RHBDL3: variants seen among roughly 807,000 people sequenced by gnomAD.
RHBDL3 encodes rhomboid-related protein 3.
Under a neutral mutation model 48.2 loss-of-function variants are expected in RHBDL3, and 28 were observed. That is an observed-to-expected ratio of 0.58 (90% confidence interval 0.43 to 0.80). The LOEUF (loss-of-function observed/expected upper bound fraction) is 0.80. Ranked by LOEUF, RHBDL3 falls within the 30% of genes least tolerant of loss-of-function variation. The pLI is 0.00. For synonymous variants in RHBDL3, 208 were observed against 232.3 expected, an observed-to-expected ratio of 0.90 and a Z score of 0.95; for missense variants, 464 against 542.7, an observed-to-expected ratio of 0.85 and a Z score of 1.44.
intron 2 of RHBDL3, among the ~76,000 whole-genome samples, chr17:32,276,800 C>T: frequency 1.0e-5 from 1 of 98,206 alleles, no homozygotes; most frequent in East Asian, 2.3e-4. Context: ...TAGCACCTTA[C>T]TCCGGCCCTA....
intron 2 of RHBDL3, chr17:32,284,028 G>C (rs1225815748): frequency 6.6e-6 from 1 of 152,338 alleles, no homozygotes; most frequent in African/African-American, 2.4e-5. Context: ...AACGATGAAA[G>C]AGCACGGTGT....
intron 5 of RHBDL3, among the ~76,000 whole-genome samples, chr17:32,297,499 CAAAG>C (rs1397042582): frequency 3.9e-5 from 6 of 151,902 alleles, no homozygotes; most frequent in South Asian, 2.1e-4. Context: ...AAACAAAAAA[CAAAG>C]AGAGCCAGAA....
chr17:32,274,591 G>T (rs1301272652), intron 2 of RHBDL3, among the ~76,000 whole-genome samples: 1 of 152,194 alleles, frequency 6.6e-6, no homozygotes, highest in African/African-American at 2.4e-5. Flanking sequence ...CTGGCTAGGT[G>T]CAGTAGCTCA....
intron 8 of RHBDL3, among the ~76,000 whole-genome samples, chr17:32,319,238 C>A (rs1421914108): frequency 6.6e-6 from 1 of 151,508 alleles, no homozygotes; most frequent in African/African-American, 2.4e-5. Flanking sequence ...CTGGCTAACA[C>A]GGTGAAACCC....
intron 2 of RHBDL3, among the ~76,000 whole-genome samples, chr17:32,276,311 G>A (rs1400706211): frequency 6.6e-6 from 1 of 152,146 alleles, no homozygotes; most frequent in Non-Finnish European, 1.5e-5. Context: ...CAAGGGAAGG[G>A]TGTGAGGTGG....
intron 3 of RHBDL3, chr17:32,288,383 C>T (rs992732824): frequency 5.0e-6 from 1 of 201,346 alleles, no homozygotes; most frequent in Non-Finnish European, 1.0e-5. Context: ...ATGAGCCTGA[C>T]ACTTAGTAGT....
At position 32,291,646 on chromosome 17, in the gene RHBDL3, A is replaced by T. The variant is rs1280343441; in HGVS notation, c.519+2630A>T. Among the ~76,000 whole-genome samples, 4 of 151,946 alleles carry T rather than the reference A, an allele frequency of 2.6e-5. No individual in the cohort carries two copies. The East Asian group carries it at 7.8e-4, about 30-fold the overall frequency. On this transcript the variant is annotated intron_variant, in intron 4 of 8. Coordinates refer to ENST00000269051, the MANE Select transcript of RHBDL3 (RefSeq NM_138328.3). Reference sequence around the variant, plus strand: ...CAGTGAGCCGAGACTGTGCCACTGCACTCCAGCCTGGGTGACAGAACAAGA... The same window carrying T: ...CAGTGAGCCGAGACTGTGCCACTGCTCTCCAGCCTGGGTGACAGAACAAGA...
At chr17:32,298,748 C>G (rs2040513713) in intron 6 of RHBDL3, among the ~76,000 whole-genome samples, 1 of 152,170 alleles carries the variant, frequency 6.6e-6, no homozygotes, top group Non-Finnish European at 1.5e-5. Flanking sequence ...CAACCGCAGT[C>G]CCCTTGCCTG....
chr17:32,316,061 T>G (rs1281527055), intron 7 of RHBDL3, among the ~76,000 whole-genome samples, 171 bp from the exon 8 acceptor site: 1 of 152,140 alleles, frequency 6.6e-6, no homozygotes, highest in African/African-American at 2.4e-5. Context: ...GGAGTAAACT[T>G]GCTGTTGCCT....
chr17:32,320,115 A>T (rs895039645), intron 8 of RHBDL3, among the ~76,000 whole-genome samples: 54 of 150,238 alleles, frequency 3.6e-4, no homozygotes, highest in African/African-American at 6.1e-4. Context: ...AAAAAAAAAA[A>T]TTTTTTTTTT....
intron 7 of RHBDL3, among the ~76,000 whole-genome samples, chr17:32,307,251 A>G (rs2040732599): frequency 6.6e-6 from 1 of 152,144 alleles, no homozygotes; most frequent in Admixed American, 6.5e-5. Context: ...AGCATGGTAG[A>G]TGGTGCCCAC....
chr17:32,285,584 T>C (rs1349168169), intron 3 of RHBDL3, among the ~76,000 whole-genome samples: 1 of 152,098 alleles, frequency 6.6e-6, no homozygotes, highest in Non-Finnish European at 1.5e-5. Context: ...CAGGGGCTGC[T>C]GTGGACTGGG....
At position 32,284,475 on chromosome 17, in the gene RHBDL3, G is replaced by A. The variant is rs1392361837; in HGVS notation, c.136-184G>A. ...ATTGGGTGATCCTGAAGGTCTGCAG[G>A]TCCTCCAGGACATTCCTATTTAGAT... is the stretch of plus-strand genomic sequence containing the variant. On this transcript the variant is annotated intron_variant, in intron 2 of 8. Coordinates refer to ENST00000269051, the MANE Select transcript of RHBDL3 (RefSeq NM_138328.3). 8.8e-6 allele frequency: 5 copies of A among 567,296 alleles called. No individual in the cohort carries two copies. In the African/African-American group the frequency reaches 9.4e-5, roughly 11 times the overall value. The allele number at this position is 567,296 out of a possible 1,614,324, so 35.1% of individuals were successfully genotyped here.
intron 5 of RHBDL3, among the ~76,000 whole-genome samples, chr17:32,295,482 G>A (rs966853902): frequency 6.6e-5 from 10 of 152,242 alleles, no homozygotes; most frequent in African/African-American, 2.4e-4. Flanking sequence ...CAGCGGGATG[G>A]CTGTCATGCT....
At chr17:32,309,070 A>C (rs1347973123) in intron 7 of RHBDL3, among the ~76,000 whole-genome samples, 1 of 151,520 alleles carries the variant, frequency 6.6e-6, no homozygotes, top group Non-Finnish European at 1.5e-5. Flanking sequence ...ACCCTGTCTC[A>C]AAAAAAAATT....
chr17:32,321,112 G>T lies in RHBDL3; in HGVS notation c.1098G>T (p.Gln366His), dbSNP rs143661975. ...TGAGGAACTACGAGCAGAGGCTCCA[G>T]GACCAGTCACTGTGGTGGATTTTTG... ...VVLRNYEQRL[Q>H]DQSLWWIFVA... The change falls in exon 9 of 9, where the codon CAG becomes CAT. Residue 366 changes from glutamine (Q) to histidine (H), a missense_variant. Transcript: ENST00000269051. 9 of 1,614,156 alleles carry T rather than the reference G, an allele frequency of 5.6e-6. No individual in the cohort carries two copies. Among genetic ancestry groups the T allele is most frequent in the Non-Finnish European group, 7.6e-6 (9 of 1,180,058 alleles).
intron 1 of RHBDL3, among the ~76,000 whole-genome samples, chr17:32,266,808 CG>C (rs2039644032): frequency 6.6e-6 from 1 of 152,208 alleles, no homozygotes; most frequent in Non-Finnish European, 1.5e-5. Flanking sequence ...AAATTCAAGC[CG>C]GCCCCCGCCT....
At chr17:32,297,521 A>G (rs2040479760) in intron 5 of RHBDL3, among the ~76,000 whole-genome samples, 1 of 152,104 alleles carries the variant, frequency 6.6e-6, no homozygotes. Context: ...GAATGACCAC[A>G]TGGCCCAGTG....
intron 4 of RHBDL3, among the ~76,000 whole-genome samples, chr17:32,292,225 A>T (rs570724877): frequency 6.6e-6 from 1 of 152,244 alleles, no homozygotes; most frequent in Non-Finnish European, 1.5e-5. Context: ...TGCAAAATCA[A>T]CTTCTGTGGA....
Sources: gnomAD v4.1 joint callset for allele counts (sites outside exome capture counted in the v4.1 genomes callset) on GRCh38, gnomAD v4.1.1 for gene constraint, MANE v1.5 for transcripts, NCBI Gene and HGNC (gene_info 2026-07-23, HGNC 2026-07-21) for gene names.